The following CDH18 variants were observed in gnomAD, a reference collection of about 807,000 sequenced individuals.
CDH18 encodes cadherin 18, also known as cadherin-18.
CDH18 carries 31 observed loss-of-function variants against 67.9 expected under a neutral mutation model. That is an observed-to-expected ratio of 0.46 (90% CI 0.34 to 0.62). The LOEUF (loss-of-function observed/expected upper bound fraction) is 0.62. Ranked by LOEUF, CDH18 falls within the 20% of genes least tolerant of loss-of-function variation. The pLI is 0.01. For missense variants in CDH18, 890 were observed against 975.5 expected, an observed-to-expected ratio of 0.91 and a Z score of 1.17; for synonymous variants, 362 against 347.2, an observed-to-expected ratio of 1.04 and a Z score of -0.48.
At chr5:20,475,148 A>T (rs1342022156) in intron 1 of CDH18, among the ~76,000 whole-genome samples, 2 of 152,208 alleles carry the variant, frequency 1.3e-5, no homozygotes, top group Non-Finnish European at 2.9e-5. Flanking sequence ...GTATGACTGC[A>T]CATTTTTCTA....
intron 2 of CDH18, among the ~76,000 whole-genome samples, chr5:20,027,457 G>T (rs959266428): frequency 1.3e-5 from 2 of 152,200 alleles, no homozygotes; most frequent in African/African-American, 4.8e-5. Context: ...TGACAAAGTT[G>T]AGAAGTGATT....
chr5:20,264,221 CTA>C (rs1213616739), intron 1 of CDH18, among the ~76,000 whole-genome samples: 8 of 151,990 alleles, frequency 5.3e-5, no homozygotes, highest in Non-Finnish European at 1.2e-4. Context: ...CATGAATACT[CTA>C]TGAAACAGCG....
chr5:20,322,346 T>C (rs1472361008), intron 1 of CDH18, among the ~76,000 whole-genome samples: 1 of 152,124 alleles, frequency 6.6e-6, no homozygotes, highest in African/African-American at 2.4e-5. Flanking sequence ...AAAATTAAAG[T>C]TGCTCAAGAT....
intron 2 of CDH18, among the ~76,000 whole-genome samples, chr5:20,056,305 A>G (rs1434080844): frequency 6.7e-6 from 1 of 148,724 alleles, no homozygotes; most frequent in African/African-American, 2.4e-5. Context: ...CACGCAGCCA[A>G]GTCCTTTTGA....
intron 8 of CDH18, among the ~76,000 whole-genome samples, chr5:19,564,963 A>G (rs1199445014): frequency 6.6e-6 from 1 of 152,016 alleles, no homozygotes; most frequent in East Asian, 2.0e-4. Context: ...GCTTGAGAAA[A>G]GAAGAGGGAA....
At chr5:19,765,610 C>T (rs148039262) in intron 3 of CDH18, among the ~76,000 whole-genome samples, 210 of 152,142 alleles carry the variant, frequency 1.4e-3, no homozygotes, top group Admixed American at 3.5e-3. Context: ...ATTCAATACA[C>T]TAAAGAACCA....
intron 1 of CDH18, among the ~76,000 whole-genome samples, chr5:20,468,512 T>G (rs1003835698): frequency 1.3e-5 from 2 of 152,178 alleles, no homozygotes; most frequent in African/African-American, 4.8e-5. Context: ...TACCACAGAT[T>G]CCAAACAATC....
rs964754394 is a variant in CDH18 at position 20,336,054 on chromosome 5, G to A, written c.-579-80549C>T. Among the ~76,000 whole-genome samples the A allele has an allele frequency of 3.9e-5, 6 of 152,178 alleles. No homozygotes were observed. In the South Asian group the frequency reaches 1.0e-3, roughly 26 times the overall value. On this transcript the variant is annotated intron_variant, in intron 1 of 14. Coordinates refer to the CDH18 transcript ENST00000507958. ...TTGAGAGAGGAGGCAATTATGAGCTGGTTGGGCAGATAGGGAGGGTTTCTT... is the reference window on the plus strand; with the variant it reads ...TTGAGAGAGGAGGCAATTATGAGCTAGTTGGGCAGATAGGGAGGGTTTCTT...
intron 2 of CDH18, among the ~76,000 whole-genome samples, chr5:19,898,823 A>C (rs2150106338): frequency 6.6e-6 from 1 of 152,302 alleles, no homozygotes; most frequent in African/African-American, 2.4e-5. Flanking sequence ...CATTAAACTT[A>C]AAAGCTTTGG....
chr5:20,334,940 C>T (rs1739586616), intron 1 of CDH18, among the ~76,000 whole-genome samples: 1 of 152,160 alleles, frequency 6.6e-6, no homozygotes, highest in Non-Finnish European at 1.5e-5. Context: ...TGGTCTTTCT[C>T]AATGATGCAA....
intron 9 of CDH18, among the ~76,000 whole-genome samples, chr5:19,532,826 G>A (rs1748851070): frequency 6.6e-6 from 1 of 152,142 alleles, no homozygotes; most frequent in African/African-American, 2.4e-5. Flanking sequence ...ATTGGATGTG[G>A]AACATGAGAG....
chr5:20,055,872 C>T (rs34810579), intron 2 of CDH18, among the ~76,000 whole-genome samples: 1 of 150,788 alleles, frequency 6.6e-6, no homozygotes, highest in Non-Finnish European at 1.5e-5. Context: ...GCATCTGGTT[C>T]TAAGATCATT....
intron 2 of CDH18, among the ~76,000 whole-genome samples, chr5:19,880,756 A>C (rs986413598): frequency 6.6e-6 from 1 of 152,184 alleles, no homozygotes; most frequent in African/African-American, 2.4e-5. Flanking sequence ...GCAACATCCA[A>C]AATCTAAAAT....
chr5:20,428,473 C>G (rs887020402), intron 1 of CDH18, among the ~76,000 whole-genome samples: 5 of 152,136 alleles, frequency 3.3e-5, no homozygotes, highest in Admixed American at 6.5e-5. Context: ...AATGGGATTG[C>G]TGGATCAAAT....
chr5:19,596,031 T>C (rs941560684), intron 6 of CDH18, among the ~76,000 whole-genome samples: 1 of 152,216 alleles, frequency 6.6e-6, no homozygotes, highest in African/African-American at 2.4e-5. Flanking sequence ...CCAAATGTTA[T>C]AGGATCCCTC....
rs141774577 is a variant in CDH18 at position 20,256,911 on chromosome 5, C to T, written c.-579-1406G>A. On this transcript the variant is annotated intron_variant, in intron 1 of 14. Coordinates refer to the CDH18 transcript ENST00000507958. ...TGTTCTGGAAGTACTAAGAGAAAAA[C>T]GAGATTTGTAGTAGCTTGGTGGTAT... 7.3e-3 allele frequency among the ~76,000 whole-genome samples: 1,038 copies of T among 141,924 alleles called. 8 individuals are homozygous for T. The highest frequency in any genetic ancestry group is 0.022 in the Middle Eastern group (6 of 278). The allele number at this position is 141,924 out of a possible 152,430, so 93.1% of individuals were successfully genotyped here. A position where few individuals can be genotyped will look rare whatever the true frequency, so the allele number is the denominator to read the frequency against.
chr5:19,488,739 T>C (rs1338175123), intron 11 of CDH18, among the ~76,000 whole-genome samples: 4 of 152,206 alleles, frequency 2.6e-5, no homozygotes, highest in Admixed American at 2.0e-4. Flanking sequence ...TTTTATTATA[T>C]TGACATGGAG....
At chr5:19,741,491 C>T (rs1769210384) in intron 4 of CDH18, among the ~76,000 whole-genome samples, 1 of 151,868 alleles carries the variant, frequency 6.6e-6, no homozygotes, top group African/African-American at 2.4e-5. Context: ...CGCCATTACT[C>T]TTCCTTTTAT....
chr5:19,608,507 C>T (rs1192091178), intron 6 of CDH18, among the ~76,000 whole-genome samples: 1 of 151,142 alleles, frequency 6.6e-6, no homozygotes, highest in Non-Finnish European at 1.5e-5. Flanking sequence ...CAACAGCTCC[C>T]CCCCCAAAAA....
Sources: allele counts gnomAD v4.1 joint callset (sites outside exome capture counted in the v4.1 genomes callset), GRCh38; gene constraint gnomAD v4.1.1; transcripts MANE v1.5; gene names NCBI Gene and HGNC (gene_info 2026-07-23, HGNC 2026-07-21).